The following ZBTB49 variants were observed in gnomAD, a reference collection of about 807,000 sequenced individuals.
ZBTB49 encodes zinc finger and BTB domain-containing protein 49.
ZBTB49 carries 43 observed loss-of-function variants against 57.5 expected under a neutral mutation model. The ratio of observed to expected loss-of-function variants is 0.75; its 90% confidence interval spans 0.59 to 0.97. The LOEUF is 0.97. Among genes scored for constraint, ZBTB49 ranks in the 50% least tolerant of loss-of-function variants. The pLI is 0.00. For missense variants in ZBTB49, 938 were observed against 947.7 expected (o/e 0.99, Z 0.13); for synonymous variants, 369 against 362.1 (o/e 1.02, Z -0.22).
intron 7 of ZBTB49, among the ~76,000 whole-genome samples, chr4:4,317,718 C>G (rs1275538692): frequency 2.0e-5 from 3 of 152,120 alleles, no homozygotes; most frequent in Admixed American, 1.3e-4. Flanking sequence ...ACATGCTGAG[C>G]TTCTCGGTGT....
intron 7 of ZBTB49, among the ~76,000 whole-genome samples, chr4:4,318,464 A>C (rs978304314): frequency 6.6e-6 from 1 of 152,072 alleles, no homozygotes; most frequent in Non-Finnish European, 1.5e-5. Context: ...AAAAATACCA[A>C]AATTAGCTGG....
chr4:4,315,875 G>T lies in ZBTB49; in HGVS notation c.1526G>T (p.Cys509Phe). 1 of 1,614,240 alleles carries T rather than the reference G, an allele frequency of 6.2e-7. No individual in the cohort carries two copies. The highest frequency in any genetic ancestry group is 8.5e-7 in the Non-Finnish European group (1 of 1,180,040). ...CACACGGCTGATAAAGTCTTCACCT[G>T]TGATGAGTGTGGAAAGTCTTTTAAT... is the stretch of plus-strand genomic sequence containing the variant. The part of the protein sequence containing the change: ...KTHTADKVFT[C>F]DECGKSFNMQ... Residue 509 changes from cysteine (C) to phenylalanine (F), a missense_variant, in exon 7 of 8, where the codon TGT becomes TTT. Physicochemically the swap from Cys to Phe is radical, Grantham distance 205. Coordinates refer to ENST00000337872, the MANE Select transcript of ZBTB49 (RefSeq NM_145291.4).
chr4:4,293,656 C>T (rs777607753), intron 1 of ZBTB49, among the ~76,000 whole-genome samples: 15 of 152,212 alleles, frequency 9.9e-5, no homozygotes, highest in Non-Finnish European at 1.9e-4. Flanking sequence ...AGAAATTCTT[C>T]AATTCTATGT....
intron 4 of ZBTB49, among the ~76,000 whole-genome samples, chr4:4,309,986 CTT>C (rs1012358775): frequency 9.2e-5 from 14 of 152,238 alleles, no homozygotes; most frequent in African/African-American, 3.4e-4. Context: ...TCTGGGATCT[CTT>C]TTATCTCTAA....
intron 4 of ZBTB49, among the ~76,000 whole-genome samples, chr4:4,312,708 A>G (rs1721024847): frequency 6.6e-6 from 1 of 152,228 alleles, no homozygotes; most frequent in Admixed American, 6.5e-5. Context: ...ATCAAGGCCT[A>G]TTTAAAGTCC....
intron 5 of ZBTB49, among the ~76,000 whole-genome samples, chr4:4,314,742 G>A (rs1006636249): frequency 6.6e-6 from 1 of 152,228 alleles, no homozygotes; most frequent in Non-Finnish European, 1.5e-5. Flanking sequence ...GCTATCAAGC[G>A]TAGTGGAAAG....
chr4:4,315,462 T>TA (rs1217994248), intron 5 of ZBTB49, among the ~76,000 whole-genome samples, 174 bp from the exon 6 acceptor site: 1 of 150,592 alleles, frequency 6.6e-6, no homozygotes, highest in East Asian at 2.1e-4. Flanking sequence ...CTGCTTTTCT[T>TA]AAAAAAATAG....
intron 2 of ZBTB49, among the ~76,000 whole-genome samples, chr4:4,300,729 C>CTCCAACA (rs1720437417): frequency 6.6e-6 from 1 of 151,240 alleles, no homozygotes; most frequent in Non-Finnish European, 1.5e-5. Flanking sequence ...TGCAGTGAGC[C>CTCCAACA]GTGGTCATGC....
At chr4:4,300,554 G>C (rs1720431725) in intron 2 of ZBTB49, among the ~76,000 whole-genome samples, 1 of 150,764 alleles carries the variant, frequency 6.6e-6, no homozygotes, top group Non-Finnish European at 1.5e-5. Context: ...TTTCTCATTT[G>C]AATATTCTAA....
At chr4:4,318,402 C>T (rs1034024306) in intron 7 of ZBTB49, among the ~76,000 whole-genome samples, 6 of 152,102 alleles carry the variant, frequency 3.9e-5, no homozygotes, top group African/African-American at 1.2e-4. Context: ...GATCACTTGA[C>T]GTCAGGAGTT....
intron 4 of ZBTB49, among the ~76,000 whole-genome samples, chr4:4,312,421 G>T (rs891277431): frequency 6.6e-6 from 1 of 151,970 alleles, no homozygotes; most frequent in Non-Finnish European, 1.5e-5. Flanking sequence ...GTTATTCTTC[G>T]CAAAGCCTTG....
Position 4,315,968 on chromosome 4 carries a change from G to A in ZBTB49, c.1619G>A (p.Cys540Tyr). 1.9e-6 allele frequency: 3 copies of A among 1,613,798 alleles called. No homozygotes were observed. The highest frequency in any genetic ancestry group is 2.5e-6 in the Non-Finnish European group (3 of 1,179,904). ...TGERPYSCSA[C>Y]GKCFGGSGDL... ...GAGCGGCCTTACAGCTGCTCTGCCTGCGGTGAGTTTGGGTTTCTGGCTGTC... is the reference window on the plus strand; with the variant it reads ...GAGCGGCCTTACAGCTGCTCTGCCTACGGTGAGTTTGGGTTTCTGGCTGTC... Residue 540 changes from cysteine (C) to tyrosine (Y), a missense_variant and splice_region_variant, in exon 7 of 8, where the codon TGC becomes TAC. Cys to Tyr is a radical substitution (Grantham distance 194). Transcript: ENST00000337872.
intron 1 of ZBTB49, among the ~76,000 whole-genome samples, chr4:4,292,739 C>T (rs1443277390): frequency 1.3e-5 from 2 of 152,098 alleles, no homozygotes; most frequent in Non-Finnish European, 2.9e-5. Context: ...CTTTAAGGTG[C>T]GTGAACTGTG....
chr4:4,317,783 G>A (rs570500218), intron 7 of ZBTB49, among the ~76,000 whole-genome samples: 15 of 152,194 alleles, frequency 9.9e-5, no homozygotes, highest in East Asian at 3.9e-4. Flanking sequence ...GCTGGGCTTC[G>A]TAGTTCTCAA....
chr4:4,298,173 T>C (rs1020142954), intron 1 of ZBTB49, among the ~76,000 whole-genome samples: 1 of 152,236 alleles, frequency 6.6e-6, no homozygotes, highest in African/African-American at 2.4e-5. Context: ...CAAAGTCATA[T>C]AGCCAGTGAG....
chr4:4,312,610 T>C (rs1721020524), intron 4 of ZBTB49, among the ~76,000 whole-genome samples: 3 of 152,238 alleles, frequency 2.0e-5, no homozygotes, highest in Admixed American at 2.0e-4. Context: ...AAGTATGTTT[T>C]TTAGAAAGAA....
In ZBTB49 at chr4:4,302,365, G is replaced by T; in HGVS notation, c.529G>T (p.Ala177Ser). 6.2e-7 allele frequency: 1 copy of T among 1,614,230 alleles called. No individual in the cohort carries two copies. The highest frequency in any genetic ancestry group is 8.5e-7 in the Non-Finnish European group (1 of 1,180,036). The change falls in exon 3 of 8, where the codon GCT (alanine) becomes TCT (serine). Residue 177 changes from alanine to serine, a missense_variant. This residue lies in a region of ZBTB49 where 835 missense variants were observed against 819.1 expected (regional missense o/e 1.02). Transcript: ENST00000337872. The stretch of plus-strand genomic sequence containing the variant: ...AACGTTGGATGAATCGCATCCGCAT[G>T]CTTCACCATCAGTTAATCGTCATCA... ...NKTLDESHPHASPSVNRHHSA... is the reference protein window; with the variant it reads ...NKTLDESHPHSSPSVNRHHSA...
intron 7 of ZBTB49, among the ~76,000 whole-genome samples, chr4:4,317,604 T>C (rs1042455628): frequency 1.3e-5 from 2 of 152,124 alleles, no homozygotes; most frequent in African/African-American, 4.8e-5. Flanking sequence ...AGTCGACTTC[T>C]TGCACTAAGC....
Position 4,302,409 on chromosome 4 carries a change from A to T in ZBTB49, c.573A>T (p.Ser191=). The change falls in exon 3 of 8, where the codon TCA becomes TCT. Residue 191 remains serine (S), a synonymous_variant. Transcript: ENST00000337872. ...VNRHHSAGEI[S]KQAPDTSDGS... ...GTCATCACTCCGCAGGTGAAATCTC[A>T]AAACAAGCTCCTGATACTTCAGATG... 1 of 1,614,102 alleles carries T rather than the reference A, an allele frequency of 6.2e-7. No homozygotes were observed. Among genetic ancestry groups the T allele is most frequent in the Non-Finnish European group, 8.5e-7 (1 of 1,179,924 alleles).
Sources: gnomAD v4.1 joint callset for allele counts (sites outside exome capture counted in the v4.1 genomes callset) on GRCh38, gnomAD v4.1.1 for gene constraint, gnomAD v4.1.1 regional missense constraint, MANE v1.5 for transcripts, NCBI Gene and HGNC (gene_info 2026-07-23, HGNC 2026-07-21) for gene names.